The following PTPRN2 variants were observed in gnomAD, a reference collection of about 807,000 sequenced individuals.
PTPRN2 encodes protein tyrosine phosphatase receptor type N2.
PTPRN2 carries 74 observed loss-of-function variants against 118.8 expected under a neutral mutation model. The ratio of observed to expected loss-of-function variants is 0.62; its 90% CI spans 0.52 to 0.76. The LOEUF is 0.76. Among genes scored for constraint, PTPRN2 ranks in the 30% least tolerant of loss-of-function variants. PTPRN2 has a pLI of 0.00. For missense variants in PTPRN2, 1,481 were observed against 1,394.4 expected, an observed-to-expected ratio of 1.06 and a Z score of -0.99; for synonymous variants, 641 against 608.0, an observed-to-expected ratio of 1.05 and a Z score of -0.80.
In PTPRN2 at chr7:158,167,289, A is replaced by G; in HGVS notation, c.552T>C (p.Gly184=). Reference sequence around the variant, plus strand: ...GGATGCTCTCGGAGAAGCGGTCATCACCCTGAAGGAAAGGAGAGCAAAACA... The same window carrying G: ...GGATGCTCTCGGAGAAGCGGTCATCGCCCTGAAGGAAAGGAGAGCAAAACA... ...HTAQDRPPAE[G]DDRFSESILT... Residue 184 remains glycine, a splice_region_variant and synonymous_variant, in exon 6 of 23, where the codon GGT becomes GGC. Transcript: ENST00000389418. 6.3e-7 allele frequency: 1 copy of G among 1,589,344 alleles called. No individual in the cohort carries two copies. Among genetic ancestry groups the G allele is most frequent in the South Asian group, 1.1e-5 (1 of 87,614 alleles).
chr7:158,454,892 T>C (rs1400669249), intron 2 of PTPRN2, among the ~76,000 whole-genome samples: 2 of 152,132 alleles, frequency 1.3e-5, no homozygotes, highest in South Asian at 4.1e-4. Context: ...GGCTGTTGCA[T>C]GGAACAGACA....
chr7:158,491,734 C>T (rs1408274052), intron 1 of PTPRN2, among the ~76,000 whole-genome samples: 9 of 152,180 alleles, frequency 5.9e-5, no homozygotes, highest in Admixed American at 3.9e-4. Flanking sequence ...AAGTGATCCA[C>T]CTGCCTCGGC....
At chr7:157,630,481 T>G (rs905537137) in intron 14 of PTPRN2, among the ~76,000 whole-genome samples, 3 of 152,174 alleles carry the variant, frequency 2.0e-5, no homozygotes, top group African/African-American at 7.2e-5. Context: ...ACCGGCTTCT[T>G]CACCATCCCG....
chr7:157,967,370 G>A (rs1165716079), intron 11 of PTPRN2, among the ~76,000 whole-genome samples: 1 of 152,206 alleles, frequency 6.6e-6, no homozygotes, highest in Non-Finnish European at 1.5e-5. Flanking sequence ...GGGTCTCACT[G>A]GGCTGAAGTC....
intron 2 of PTPRN2, among the ~76,000 whole-genome samples, chr7:158,441,848 A>G (rs199501181): frequency 1.5e-3 from 63 of 42,050 alleles, no homozygotes; most frequent in Admixed American, 3.4e-3. Context: ...AGTGGTGGTG[A>G]TGGTGATAGT....
At chr7:158,268,081 G>C (rs777768904) in intron 3 of PTPRN2, among the ~76,000 whole-genome samples, 6 of 152,210 alleles carry the variant, frequency 3.9e-5, no homozygotes, top group African/African-American at 7.2e-5. Context: ...CAAGGCACGA[G>C]ATCCTCAGCA....
chr7:157,886,542 A>T (rs1266671903), intron 12 of PTPRN2, among the ~76,000 whole-genome samples: 1 of 152,172 alleles, frequency 6.6e-6, no homozygotes, highest in Non-Finnish European at 1.5e-5. Context: ...AAGTATTGAG[A>T]AGGCATCCGT....
chr7:158,364,658 T>A (rs538607320), intron 2 of PTPRN2, among the ~76,000 whole-genome samples: 1 of 150,880 alleles, frequency 6.6e-6, no homozygotes, highest in East Asian at 1.9e-4. Context: ...TAATTCTCCG[T>A]CCCAGCCCCA....
At chr7:158,067,946 G>A (rs1192469129) in intron 11 of PTPRN2, among the ~76,000 whole-genome samples, 1 of 152,232 alleles carries the variant, frequency 6.6e-6, no homozygotes, top group Non-Finnish European at 1.5e-5. Context: ...GGTCGGGGCA[G>A]ACAGGGTGGG....
At chr7:158,071,207 T>C (rs369684487) in intron 11 of PTPRN2, among the ~76,000 whole-genome samples, 42 of 16,296 alleles carry the variant, frequency 2.6e-3, no homozygotes, top group East Asian at 7.6e-3. Context: ...GTGGAGGTGC[T>C]CGTGGTGGTG....
chr7:157,721,316 G>T (rs543979928), intron 12 of PTPRN2, among the ~76,000 whole-genome samples: 2 of 152,242 alleles, frequency 1.3e-5, no homozygotes, highest in Admixed American at 6.5e-5. Flanking sequence ...GGCTTCCCTC[G>T]TCGGAAAGTC....
At chr7:158,162,352 G>A (rs1405562578) in intron 6 of PTPRN2, among the ~76,000 whole-genome samples, 4 of 152,178 alleles carry the variant, frequency 2.6e-5, no homozygotes, top group East Asian at 1.9e-4. Context: ...ATGTTCCTCA[G>A]TAGGCGAATA....
intron 13 of PTPRN2, among the ~76,000 whole-genome samples, chr7:157,659,977 T>C (rs1037009853): frequency 1.4e-4 from 22 of 152,134 alleles, no homozygotes; most frequent in African/African-American, 4.6e-4. Context: ...ACTCCTGACC[T>C]GAGGTGATCC....
chr7:158,252,229 GT>G (rs1417092272), intron 3 of PTPRN2, among the ~76,000 whole-genome samples: 1 of 152,122 alleles, frequency 6.6e-6, no homozygotes, highest in Non-Finnish European at 1.5e-5. Context: ...ACTCTGCCTC[GT>G]CCCCATCACC....
rs543857741 is a variant in PTPRN2 at position 157,565,145 on chromosome 7, C to T, written c.2902+3757G>A. ...AAGAAGAACGGAAGTGATCCATCCCCGTAGGCAAGGAGATGTGTATCCACA... is the reference window on the plus strand; with the variant it reads ...AAGAAGAACGGAAGTGATCCATCCCTGTAGGCAAGGAGATGTGTATCCACA... On this transcript the variant is annotated intron_variant, in intron 21 of 22. Transcript: ENST00000389418. Among the ~76,000 whole-genome samples, 12 of 152,328 alleles carry T rather than the reference C, an allele frequency of 7.9e-5. No homozygotes were observed. The South Asian group carries it at 1.0e-3, about 13-fold the overall frequency.
intron 3 of PTPRN2, among the ~76,000 whole-genome samples, chr7:158,210,588 A>G (rs1275178947): frequency 1.3e-5 from 2 of 151,644 alleles, no homozygotes; most frequent in Non-Finnish European, 2.9e-5. Context: ...TCTAAGAAAA[A>G]AAGAGAAAAG....
At chr7:158,396,482 C>A (rs960481330) in intron 2 of PTPRN2, among the ~76,000 whole-genome samples, 3 of 150,178 alleles carry the variant, frequency 2.0e-5, no homozygotes, top group African/African-American at 7.4e-5. Flanking sequence ...TGATTTTGTT[C>A]ACATGCATGC....
intron 10 of PTPRN2, among the ~76,000 whole-genome samples, chr7:158,098,865 G>A (rs924790527): frequency 6.6e-6 from 1 of 151,960 alleles, no homozygotes; most frequent in African/African-American, 2.4e-5. Context: ...GGGGAGGGCC[G>A]GAGAAGATGG....
intron 11 of PTPRN2, among the ~76,000 whole-genome samples, chr7:157,966,798 TCAC>T (rs1203846005): frequency 6.6e-6 from 1 of 152,018 alleles, no homozygotes; most frequent in Non-Finnish European, 1.5e-5. Context: ...ATCATCTTCA[TCAC>T]CACCATCATC....
Sources: allele counts gnomAD v4.1 joint callset (sites outside exome capture counted in the v4.1 genomes callset), GRCh38; gene constraint gnomAD v4.1.1; transcripts MANE v1.5; gene names NCBI Gene and HGNC (gene_info 2026-07-23, HGNC 2026-07-21).